The following ZNF133 variants were observed in gnomAD, a reference collection of about 807,000 sequenced individuals.
ZNF133 encodes zinc finger protein 133 (clone pHZ-13).
In ZNF133, 26 loss-of-function variants were observed where a neutral mutation model predicts 54.9. The ratio of observed to expected loss-of-function variants is 0.47; its 90% CI spans 0.35 to 0.66. ZNF133 has a LOEUF of 0.66. Among genes scored for constraint, ZNF133 ranks in the 30% least tolerant of loss-of-function variants. The pLI, the probability that ZNF133 is intolerant of heterozygous loss-of-function variation, is 0.01. For missense variants in ZNF133, 653 were observed against 820.8 expected (o/e 0.80, Z 2.50); for synonymous variants, 298 against 320.3 (o/e 0.93, Z 0.74).
chr20:18,315,203 C>G lies in ZNF133; in HGVS notation c.352C>G (p.Gln118Glu), dbSNP rs1294874458. 5.0e-6 allele frequency: 8 copies of G among 1,613,862 alleles called. No homozygotes were observed. The highest frequency in any genetic ancestry group is 1.7e-5 in the Admixed American group (1 of 59,980). ...FTCLCAEGNIQPGDPGPGDQE... is the reference protein window; with the variant it reads ...FTCLCAEGNIEPGDPGPGDQE... ...ATGCTTGTGTGCAGAAGGTAACATC[C>G]AGCCTGGGGATCCGGGCCCAGGGGA... Residue 118 changes from glutamine to glutamate, a missense_variant, in exon 7 of 7, where the codon CAG becomes GAG. Around this residue, in one of 4 missense-constraint regions of ZNF133, gnomAD observed 227 missense variants for 233.9 expected, o/e 0.97. Coordinates refer to ENST00000425686, the MANE Select transcript of ZNF133 (RefSeq NM_001352452.2).
intron 6 of ZNF133, 131 bp downstream of exon 6, chr20:18,306,524 C>CT (rs2044648198): frequency 1.0e-6 from 1 of 965,362 alleles, no homozygotes; most frequent in South Asian, 1.7e-5. Flanking sequence ...TTTAGATTGC[C>CT]TGACACGGCC....
At chr20:18,315,029 A>C in intron 6 of ZNF133, 40 bp from the exon 7 acceptor site, 11 of 1,509,116 alleles carry the variant, frequency 7.3e-6, no homozygotes, top group Non-Finnish European at 9.7e-6. Flanking sequence ...CAGGCTGCCC[A>C]CTGAGGACTC....
At chr20:18,297,439 G>A (rs2147091226) in intron 1 of ZNF133, among the ~76,000 whole-genome samples, 1 of 151,252 alleles carries the variant, frequency 6.6e-6, no homozygotes, top group South Asian at 2.1e-4. Flanking sequence ...TCATATTTGG[G>A]GTATATCTCA....
chr20:18,310,124 AC>A, intron 6 of ZNF133: 1 of 1,307,542 alleles, frequency 7.6e-7, no homozygotes, highest in Non-Finnish European at 9.7e-7. Flanking sequence ...TTAAAGCGAA[AC>A]CTATCTTTTT....
chr20:18,310,663 GAAA>G (rs1409387856), intron 6 of ZNF133, among the ~76,000 whole-genome samples: 2 of 152,252 alleles, frequency 1.3e-5, no homozygotes, highest in African/African-American at 4.8e-5. Flanking sequence ...TTTTCACATA[GAAA>G]GAATAAGTTC....
intron 6 of ZNF133, among the ~76,000 whole-genome samples, chr20:18,308,062 T>G (rs2045045825): frequency 6.6e-6 from 1 of 152,226 alleles, no homozygotes; most frequent in Non-Finnish European, 1.5e-5. Context: ...TCTGTTGTTA[T>G]TTACCATTAC....
chr20:18,296,303 G>A (rs2042222147), intron 1 of ZNF133, among the ~76,000 whole-genome samples: 1 of 151,934 alleles, frequency 6.6e-6, no homozygotes, highest in East Asian at 1.9e-4. Flanking sequence ...TGGTAAATAT[G>A]CATAACATAA....
At chr20:18,310,582 T>A (rs1420324163) in intron 6 of ZNF133, among the ~76,000 whole-genome samples, 3 of 152,138 alleles carry the variant, frequency 2.0e-5, no homozygotes, top group Non-Finnish European at 4.4e-5. Context: ...AAGGTTGGAC[T>A]CATAGAGAAA....
intron 6 of ZNF133, chr20:18,310,138 T>C (rs1319373027): frequency 7.6e-7 from 1 of 1,313,672 alleles, no homozygotes. Flanking sequence ...ATCTTTTTTG[T>C]CTCGTTTTTA....
intron 5 of ZNF133, among the ~76,000 whole-genome samples, chr20:18,306,096 C>G (rs1034118987): frequency 6.6e-6 from 1 of 152,108 alleles, no homozygotes; most frequent in African/African-American, 2.4e-5. Flanking sequence ...GGGTGTTCAT[C>G]TACTCGGCAT....
At chr20:18,306,451 GGA>G in intron 6 of ZNF133, 58 bp downstream of exon 6, 3 of 1,546,610 alleles carry the variant, frequency 1.9e-6, no homozygotes, top group Non-Finnish European at 2.7e-6. Context: ...GAGGACTGGG[GGA>G]GAGGAGGCGT....
chr20:18,316,985 A>T lies in ZNF133; in HGVS notation c.*169A>T. On this transcript the variant is annotated 3_prime_UTR_variant, in exon 7 of 7. Transcript: ENST00000425686. ...CGGTTGTAATAAACTTGGCTTCTTT[A>T]TACATCTGTAACTGTGCCTGTGTCC... 2 of 754,302 alleles carry T rather than the reference A, an allele frequency of 2.7e-6. No individual in the cohort carries two copies. The highest frequency in any genetic ancestry group is 1.9e-5 in the South Asian group (1 of 51,986). 46.7% of individuals were successfully genotyped at this position (754,302 alleles called of 1,614,324 possible).
intron 3 of ZNF133, among the ~76,000 whole-genome samples, chr20:18,304,017 G>A (rs2044036523): frequency 6.6e-6 from 1 of 152,138 alleles, no homozygotes; most frequent in African/African-American, 2.4e-5. Context: ...TCTGATAAGG[G>A]ATTAATATTT....
intron 3 of ZNF133, among the ~76,000 whole-genome samples, chr20:18,300,580 A>G (rs906261532): frequency 3.3e-5 from 5 of 152,176 alleles, no homozygotes; most frequent in African/African-American, 1.2e-4. Context: ...TCTACAAGAA[A>G]CTCACTTTAT....
rs780068942 is a variant in ZNF133, at chr20:18,315,161, C to A, written c.310C>A (p.Pro104Thr). 1.2e-6 allele frequency: 2 copies of A among 1,610,338 alleles called. No homozygotes were observed. Among genetic ancestry groups the A allele is most frequent in the Non-Finnish European group, 1.7e-6 (2 of 1,177,686 alleles). The change falls in exon 7 of 7, where the codon CCC becomes ACC. Residue 104 changes from proline (P) to threonine (T), a missense_variant. By Grantham distance (38) the Pro-to-Thr change is conservative. This residue lies in a region of ZNF133 where 227 missense variants were observed against 233.9 expected (regional missense o/e 0.97). Transcript: ENST00000425686. ...CATGCAGCATGTGCTGTGTAATCAT[C>A]CCCCCTGGATCTTCACATGCTTGTG... The part of the protein sequence containing the change: ...FPMQHVLCNH[P>T]PWIFTCLCAE...
At chr20:18,295,596 T>C (rs1274740655) in intron 1 of ZNF133, 1 of 152,228 alleles carries the variant, frequency 6.6e-6, no homozygotes, top group African/African-American at 2.4e-5. Flanking sequence ...TTAATTCCTG[T>C]CTTTGTGCTT....
At position 18,293,859 on chromosome 20, in the gene ZNF133, C is replaced by T. The variant is rs188887245; in HGVS notation, c.-431-4126C>T. Among the ~76,000 whole-genome samples the T allele has an allele frequency of 1.7e-3, 252 of 149,124 alleles. 1 individual carries two copies. The highest frequency in any genetic ancestry group is 5.9e-3 in the African/African-American group (239 of 40,462). ...ATTGATATAAGTAAATAACTGGATA[C>T]AAATAAATGGGGAGACAGAACAGCT... On this transcript the variant is annotated intron_variant, in intron 1 of 6. Coordinates refer to ENST00000425686, the MANE Select transcript of ZNF133 (RefSeq NM_001352452.2).
chr20:18,304,326 T>C (rs566863692), intron 3 of ZNF133, among the ~76,000 whole-genome samples: 4 of 152,156 alleles, frequency 2.6e-5, no homozygotes, highest in Non-Finnish European at 5.9e-5. Context: ...GAATGCAAAA[T>C]GGTACAGCTG....
Position 18,315,095 on chromosome 20 carries a change from G to A in ZNF133, c.244G>A (p.Asp82Asn), listed in dbSNP as rs772813491. Residue 82 changes from aspartate to asparagine, a missense_variant, in exon 7 of 7, where the codon GAT (aspartate) becomes AAT (asparagine). By Grantham distance (23) the Asp-to-Asn change is conservative. Around this residue, in one of 4 missense-constraint regions of ZNF133, gnomAD observed 227 missense variants for 233.9 expected, o/e 0.97. Coordinates refer to ENST00000425686, the MANE Select transcript of ZNF133 (RefSeq NM_001352452.2). Reference sequence around the variant, plus strand: ...AGATCCAGAGCCAGAGCTCTACCTCGATCCTTTCTGCCCTCCGGGTTTCTC... The same window carrying A: ...AGATCCAGAGCCAGAGCTCTACCTCAATCCTTTCTGCCCTCCGGGTTTCTC... The part of the protein sequence containing the change: ...PADPEPELYL[D>N]PFCPPGFSSQ... 7.8e-6 allele frequency: 12 copies of A among 1,548,276 alleles called. No homozygotes were observed. The African/African-American group carries it at 1.1e-4, about 14-fold the overall frequency.
Sources: gnomAD v4.1 joint callset for allele counts (sites outside exome capture counted in the v4.1 genomes callset) on GRCh38, gnomAD v4.1.1 for gene constraint, gnomAD v4.1.1 regional missense constraint, MANE v1.5 for transcripts, NCBI Gene and HGNC (gene_info 2026-07-23, HGNC 2026-07-21) for gene names.